Variants in SYCP2 observed in about 807,000 individuals in gnomAD.
SYCP2 encodes the protein synaptonemal complex lateral element protein.
SYCP2 carries 55 observed loss-of-function variants against 211.3 expected under a neutral mutation model. The observed-to-expected ratio is 0.26, with a 90% CI of 0.21 to 0.33. The LOEUF (loss-of-function observed/expected upper bound fraction) is 0.33, where lower values mean the gene tolerates loss of function less well. Ranked by LOEUF, SYCP2 falls within the 10% of genes least tolerant of loss-of-function variation. SYCP2 has a pLI of 1.00. For synonymous variants in SYCP2, 570 were observed against 555.2 expected (o/e 1.03, Z -0.37); for missense variants, 1,731 against 1,752.0 (o/e 0.99, Z 0.21).
intron 16 of SYCP2, among the ~76,000 whole-genome samples, chr20:59,901,367 C>A (rs896761720): frequency 6.6e-6 from 1 of 151,996 alleles, no homozygotes; most frequent in Admixed American, 6.6e-5. Flanking sequence ...GTAATTCTCA[C>A]GATGTTTAAG....
intron 33 of SYCP2, among the ~76,000 whole-genome samples, chr20:59,876,388 AAAAAAAAAAAAAAAAAAAAAAAAG>A (rs893419854): frequency 6.1e-5 from 7 of 114,744 alleles, no homozygotes; most frequent in African/African-American, 3.0e-4. Context: ...AAAAAAAAAA[AAAAAAAAAAAAAAAAAAAAAAAAG>A]AAGAAGTGAT....
At position 59,892,588 on chromosome 20, in the gene SYCP2, G is replaced by A. The variant is rs374000934; in HGVS notation, c.1907C>T (p.Ser636Leu). The A allele has an allele frequency of 1.2e-5, 19 of 1,607,484 alleles. No homozygotes were observed. The highest frequency in any genetic ancestry group is 1.6e-5 in the Non-Finnish European group (19 of 1,177,426). Residue 636 changes from serine to leucine, a missense_variant, in exon 23 of 45, where the codon TCA becomes TTA. Transcript: ENST00000357552. ...LCNNQRASTSSGDTLNQDIVI... is the reference protein window; with the variant it reads ...LCNNQRASTSLGDTLNQDIVI... ...TTCACCTTGATTCAATGTGTCTCCT[G>A]ACGAAGTACTTGCTCTTTGGTTATT...
chr20:59,869,837 A>G lies in SYCP2; in HGVS notation c.3702T>C (p.Ser1234=). Residue 1234 remains serine (S), a synonymous_variant, in exon 36 of 45, where the codon TCT becomes TCC. Transcript: ENST00000357552. ...SSEERFMEIE[S]PHINENYIQS... ...GTATATAATTTTCATTGATATGTGGAGATTCAATTTCCATAAACCGTTCTT... is the reference window on the plus strand; with the variant it reads ...GTATATAATTTTCATTGATATGTGGGGATTCAATTTCCATAAACCGTTCTT... 1 of 1,606,550 alleles carries G rather than the reference A, an allele frequency of 6.2e-7. No individual in the cohort carries two copies. The highest frequency in any genetic ancestry group is 8.5e-7 in the Non-Finnish European group (1 of 1,174,802).
chr20:59,901,794 C>G lies in SYCP2; in HGVS notation c.1050G>C (p.Lys350Asn), dbSNP rs1307300300. The G allele has an allele frequency of 1.3e-6, 2 of 1,595,998 alleles. No homozygotes were observed. Among genetic ancestry groups the G allele is most frequent in the Non-Finnish European group, 1.7e-6 (2 of 1,172,454 alleles). The change falls in exon 16 of 45, where the codon AAG (lysine) becomes AAC (asparagine). Residue 350 changes from lysine to asparagine, a missense_variant. By Grantham distance (94) the Lys-to-Asn change is moderately conservative. Coordinates refer to ENST00000357552, the MANE Select transcript of SYCP2 (RefSeq NM_014258.4). The part of the protein sequence containing the change: ...IYSIEVRESK[K>N]LLTIILKNTV... ...TATTTTTCAGAATTATTGTCAGTAG[C>G]TTCTTTGATTCTCTCACTGTATAGA...
At chr20:59,915,948 C>T (rs770153036) in intron 8 of SYCP2, among the ~76,000 whole-genome samples, 21 of 151,878 alleles carry the variant, frequency 1.4e-4, no homozygotes, top group Admixed American at 1.1e-3. Flanking sequence ...GCTGAGATTG[C>T]GCCACTGCAC....
Position 59,865,798 on chromosome 20 carries a change from C to T in SYCP2, c.4379+9G>A, listed in dbSNP as rs746487260. On this transcript the variant is annotated intron_variant, in intron 42 of 44. Coordinates refer to ENST00000357552, the MANE Select transcript of SYCP2 (RefSeq NM_014258.4). ...TATAGATTATAGCCATTAAGAATGTCATACTAACCTCTGTTGTTCGCTTTT... is the reference window on the plus strand; with the variant it reads ...TATAGATTATAGCCATTAAGAATGTTATACTAACCTCTGTTGTTCGCTTTT... 7.3e-7 allele frequency: 1 copy of T among 1,368,350 alleles called. No homozygotes were observed. The highest frequency in any genetic ancestry group is 2.3e-5 in the Admixed American group (1 of 42,596). 84.8% of individuals were successfully genotyped at this position (1,368,350 alleles called of 1,614,324 possible). A position where few individuals can be genotyped will look rare whatever the true frequency, so the allele number is the denominator to read the frequency against.
At chr20:59,879,698 C>CA (rs374354150) in intron 31 of SYCP2, among the ~76,000 whole-genome samples, 2,980 of 140,806 alleles carry the variant, frequency 0.021, 41 homozygotes, top group Middle Eastern at 0.044. Context: ...AACTTAGACC[C>CA]AAAAAAAAAA....
chr20:59,902,277 G>C (rs1337199965), intron 15 of SYCP2, among the ~76,000 whole-genome samples: 1 of 152,106 alleles, frequency 6.6e-6, no homozygotes, highest in Non-Finnish European at 1.5e-5. Flanking sequence ...TTAAGTGTCA[G>C]GAGATTGTGA....
chr20:59,864,682 T>C (rs2059295404), intron 44 of SYCP2, among the ~76,000 whole-genome samples: 1 of 151,932 alleles, frequency 6.6e-6, no homozygotes, highest in Admixed American at 6.6e-5. Flanking sequence ...TAGAAAACAA[T>C]TTCAACAAGG....
At chr20:59,915,404 T>C in intron 9 of SYCP2, 61 bp downstream of exon 9, 2 of 1,204,672 alleles carry the variant, frequency 1.7e-6, no homozygotes, top group South Asian at 2.7e-5. Flanking sequence ...CATAGTTGTC[T>C]GTCTTATAAA....
intron 10 of SYCP2, 143 bp downstream of exon 10, chr20:59,915,022 A>G (rs1418462424): frequency 8.7e-6 from 5 of 577,720 alleles, no homozygotes; most frequent in Admixed American, 6.2e-5. Flanking sequence ...AATTTCATGT[A>G]TATTTATTAA....
At chr20:59,927,439 A>G (rs1051697203) in intron 2 of SYCP2, among the ~76,000 whole-genome samples, 8 of 152,226 alleles carry the variant, frequency 5.3e-5, no homozygotes, top group African/African-American at 1.9e-4. Flanking sequence ...TAAAACAGTG[A>G]CATTTCTGCC....
chr20:59,928,542 A>AG lies in SYCP2; in HGVS notation c.-47+3519dup, dbSNP rs1027381911. Among the ~76,000 whole-genome samples the AG allele has an allele frequency of 4.6e-4, 70 of 152,186 alleles. 1 individual carries two copies. The highest frequency in any genetic ancestry group is 1.6e-3 in the African/African-American group (66 of 41,470). On this transcript the variant is annotated intron_variant, in intron 2 of 44. Coordinates refer to ENST00000357552, the MANE Select transcript of SYCP2 (RefSeq NM_014258.4). ...AAAATAACTTTTAAAATATTAGAGAAGAAAAATCACCTTATTTGATATTAA... is the reference window on the plus strand; with the variant it reads ...AAAATAACTTTTAAAATATTAGAGAAGGAAAAATCACCTTATTTGATATTAA...
In SYCP2 at chr20:59,865,412, C is replaced by G. The variant is rs2059311049; in HGVS notation, c.4491G>C (p.Leu1497=). ...MCLMKEDMKV[L]QDRLLKDMLE... is the part of the protein sequence containing the mutation. ...CCATGTCCTTAAGAAGCCTGTCTTG[C>G]AGCACTTTCATATCTTCTTTCATCA... Residue 1497 remains leucine, a synonymous_variant, in exon 44 of 45, where the codon CTG becomes CTC. Coordinates refer to ENST00000357552, the MANE Select transcript of SYCP2 (RefSeq NM_014258.4). 6.2e-7 allele frequency: 1 copy of G among 1,609,952 alleles called. No individual in the cohort carries two copies. The highest frequency in any genetic ancestry group is 8.5e-7 in the Non-Finnish European group (1 of 1,177,994).
rs182599987 is a variant in SYCP2, at chr20:59,892,608, G to C, written c.1887C>G (p.Asn629Lys). Residue 629 changes from asparagine (N) to lysine (K), a missense_variant, in exon 23 of 45, where the codon AAC becomes AAG. Around this residue, in one of 3 missense-constraint regions of SYCP2, gnomAD observed 1,387 missense variants for 1,351.3 expected, o/e 1.03. Transcript: ENST00000357552. The part of the protein sequence containing the change: ...TPVTNIELCN[N>K]QRASTSSGDT... ...CTCCTGACGAAGTACTTGCTCTTTGGTTATTACATAGTTCAATGTTTGTTA... is the reference window on the plus strand; with the variant it reads ...CTCCTGACGAAGTACTTGCTCTTTGCTTATTACATAGTTCAATGTTTGTTA... 75 of 1,609,684 alleles carry C rather than the reference G, an allele frequency of 4.7e-5. No homozygotes were observed. The highest frequency in any genetic ancestry group is 5.8e-5 in the Non-Finnish European group (68 of 1,177,952).
chr20:59,900,395 CT>C, intron 17 of SYCP2, 111 bp from the exon 18 acceptor site: 1 of 973,206 alleles, frequency 1.0e-6, no homozygotes, highest in African/African-American at 1.6e-5. Context: ...AATTATTTCC[CT>C]TTTCTATCCA....
intron 6 of SYCP2, 34 bp from the exon 7 acceptor site, chr20:59,919,216 T>A (rs2060495600): frequency 9.8e-7 from 1 of 1,017,126 alleles, no homozygotes; most frequent in Non-Finnish European, 1.5e-6. Flanking sequence ...AATTTACAAG[T>A]TACTATATAT....
At chr20:59,930,133 A>T (rs2060709289) in intron 2 of SYCP2, among the ~76,000 whole-genome samples, 1 of 152,156 alleles carries the variant, frequency 6.6e-6, no homozygotes, top group South Asian at 2.1e-4. Flanking sequence ...ATAACCATGA[A>T]CACATTATTC....
intron 26 of SYCP2, among the ~76,000 whole-genome samples, chr20:59,884,584 T>C (rs868059312): frequency 1.2e-4 from 18 of 152,186 alleles, no homozygotes; most frequent in African/African-American, 4.3e-4. Context: ...TAGACGTATT[T>C]GCATTATTTT....
Sources: gnomAD v4.1 joint callset for allele counts (sites outside exome capture counted in the v4.1 genomes callset) on GRCh38, gnomAD v4.1.1 for gene constraint, gnomAD v4.1.1 regional missense constraint, MANE v1.5 for transcripts, NCBI Gene and HGNC (gene_info 2026-07-23, HGNC 2026-07-21) for gene names.